AIG1: variants seen among roughly 807,000 people sequenced by gnomAD.
AIG1 encodes androgen induced 1, also known as androgen-induced gene 1 protein.
A neutral mutation model predicts 31.4 loss-of-function variants in AIG1; 23 were observed. That is an observed-to-expected ratio of 0.73 (90% CI 0.53 to 1.04). The LOEUF is 1.04. Ranked by LOEUF, AIG1 falls within the 50% of genes least tolerant of loss-of-function variation. AIG1 has a pLI of 0.00. For synonymous variants in AIG1, 100 were observed against 110.5 expected, an observed-to-expected ratio of 0.90 and a Z score of 0.60; for missense variants, 274 against 295.0, an observed-to-expected ratio of 0.93 and a Z score of 0.52.
rs1796322427 is a variant in AIG1 at position 143,268,850 on chromosome 6, C to T, written c.400-15260C>T. Among the ~76,000 whole-genome samples, 1 of 152,158 alleles carries T rather than the reference C, an allele frequency of 6.6e-6. No homozygotes were observed. The highest frequency in any genetic ancestry group is 1.5e-5 in the Non-Finnish European group (1 of 68,024). ...CAGGTGGGAGTGCCGTCAGTTTCAG[C>T]CCTCTGCTCTAAGCCCTCTCCAGAA... On this transcript the variant is annotated intron_variant, in intron 3 of 5. Coordinates refer to ENST00000357847, the MANE Select transcript of AIG1 (RefSeq NM_016108.4). This position sits in a 1 kb window ranked among gnomAD's most constrained non-coding sequence, Gnocchi z 5.0.
At chr6:143,176,871 T>G (rs1272285532) in intron 3 of AIG1, among the ~76,000 whole-genome samples, 1 of 152,260 alleles carries the variant, frequency 6.6e-6, no homozygotes, top group African/African-American at 2.4e-5. Context: ...TCAAAGGGTC[T>G]GTGGTTTCTC....
intron 3 of AIG1, among the ~76,000 whole-genome samples, chr6:143,261,576 CA>C (rs71795469): frequency 0.01 from 1,566 of 152,132 alleles, 44 homozygotes; most frequent in East Asian, 0.064. Context: ...ATTTATGTGG[CA>C]AAAAAATCTA....
rs984187651 is a variant in AIG1, at chr6:143,280,909, A to G, written c.400-3201A>G. Among the ~76,000 whole-genome samples, 2 of 152,224 alleles carry G rather than the reference A, an allele frequency of 1.3e-5. No homozygotes were observed. The highest frequency in any genetic ancestry group is 1.3e-4 in the Admixed American group (2 of 15,286). ...AAAAAGTTCTGACTTTATGCTAGCT[A>G]ATGTTATTGTTTATTATTATTGATT... On this transcript the variant is annotated intron_variant, in intron 3 of 5. Coordinates refer to ENST00000357847, the MANE Select transcript of AIG1 (RefSeq NM_016108.4). The surrounding 1 kb of genome is among the most constrained non-coding windows in gnomAD (Gnocchi z 4.1).
intron 1 of AIG1, among the ~76,000 whole-genome samples, chr6:143,090,183 T>TGCCTCTA (rs1266729923): frequency 6.6e-6 from 1 of 152,212 alleles, no homozygotes; most frequent in African/African-American, 2.4e-5. Flanking sequence ...AGCCTAGTTC[T>TGCCTCTA]GCCTCTAGCT....
chr6:143,278,395 T>C (rs1354727306), intron 3 of AIG1, among the ~76,000 whole-genome samples: 2 of 152,170 alleles, frequency 1.3e-5, no homozygotes, highest in South Asian at 4.1e-4. Flanking sequence ...TCCCTCTGAA[T>C]TATCTTTCAG....
chr6:143,071,567 A>G (rs551293811), intron 1 of AIG1, among the ~76,000 whole-genome samples: 1 of 152,346 alleles, frequency 6.6e-6, no homozygotes. Context: ...TATGTGACAG[A>G]TAAAATTTAG....
chr6:143,114,412 A>G (rs1040500603), intron 1 of AIG1, among the ~76,000 whole-genome samples: 2 of 152,240 alleles, frequency 1.3e-5, no homozygotes, highest in African/African-American at 2.4e-5. Flanking sequence ...CATGTTTTCA[A>G]GAAGTTCTCA....
At chr6:143,090,749 T>C (rs2128475609) in intron 1 of AIG1, among the ~76,000 whole-genome samples, 2 of 152,364 alleles carry the variant, frequency 1.3e-5, no homozygotes, top group Non-Finnish European at 2.9e-5. Context: ...GTGGAGGCTC[T>C]TGCCTTGATG....
chr6:143,190,636 AG>A, intron 3 of AIG1: 1 of 984,732 alleles, frequency 1.0e-6, no homozygotes, highest in South Asian at 4.7e-5. Flanking sequence ...CCAGTTGAAC[AG>A]GGGCCTTCTT....
intron 3 of AIG1, among the ~76,000 whole-genome samples, chr6:143,221,318 G>T (rs1256306629): frequency 6.6e-6 from 1 of 152,068 alleles, no homozygotes; most frequent in East Asian, 1.9e-4. Flanking sequence ...GAGGAACCAG[G>T]TAAAACCTCT....
At chr6:143,183,411 G>A (rs1562467497) in intron 3 of AIG1, among the ~76,000 whole-genome samples, 1 of 152,148 alleles carries the variant, frequency 6.6e-6, no homozygotes, top group Non-Finnish European at 1.5e-5. Context: ...GGCCAGGATG[G>A]CCTCAATCTC....
At chr6:143,212,382 C>T (rs184860837) in intron 3 of AIG1, among the ~76,000 whole-genome samples, 7 of 152,288 alleles carry the variant, frequency 4.6e-5, no homozygotes, top group Non-Finnish European at 5.9e-5. Context: ...TTTACCCCAG[C>T]CTCCCTGCAG....
chr6:143,147,142 T>C (rs1296349477), intron 2 of AIG1, among the ~76,000 whole-genome samples: 1 of 152,138 alleles, frequency 6.6e-6, no homozygotes, highest in Non-Finnish European at 1.5e-5. Context: ...GATTTACCCA[T>C]AGCAACAAAT....
At chr6:143,158,311 T>C (rs1013141553) in intron 2 of AIG1, among the ~76,000 whole-genome samples, 4 of 152,090 alleles carry the variant, frequency 2.6e-5, no homozygotes, top group Non-Finnish European at 5.9e-5. Flanking sequence ...TCCCCAGTGC[T>C]CCCATGCATC....
chr6:143,261,433 C>G (rs1049818796), intron 3 of AIG1, among the ~76,000 whole-genome samples: 1 of 152,166 alleles, frequency 6.6e-6, no homozygotes, highest in Admixed American at 6.5e-5. Flanking sequence ...CGCCTGGCCA[C>G]TGGTAGCTGT....
intron 3 of AIG1, among the ~76,000 whole-genome samples, chr6:143,270,229 T>G (rs1259317937): frequency 1.3e-5 from 2 of 152,144 alleles, no homozygotes; most frequent in Non-Finnish European, 2.9e-5. Flanking sequence ...CTTCCCACAC[T>G]TAGCAGAGCC....
At chr6:143,233,540 A>C (rs1793601071) in intron 3 of AIG1, among the ~76,000 whole-genome samples, 1 of 149,678 alleles carries the variant, frequency 6.7e-6, no homozygotes, top group Admixed American at 6.8e-5. Context: ...GTTCAGAGAG[A>C]CTCTGGCCCT....
At position 143,298,574 on chromosome 6, in the gene AIG1, C is replaced by T. The variant is rs1798603692; in HGVS notation, c.515+14349C>T. On this transcript the variant is annotated intron_variant, in intron 4 of 5. Transcript: ENST00000357847. The surrounding 1 kb of genome is among the most constrained non-coding windows in gnomAD (Gnocchi z 5.1). ...CAGGTGTGGTGGCTCATGTCTGTAA[C>T]CCTAGTCAGGAGGCTCACCTAGGCC... Among the ~76,000 whole-genome samples, 2 of 152,190 alleles carry T rather than the reference C, an allele frequency of 1.3e-5. No homozygotes were observed. The highest frequency in any genetic ancestry group is 4.8e-5 in the African/African-American group (2 of 41,524).
At chr6:143,109,328 A>T (rs1192456723) in intron 1 of AIG1, among the ~76,000 whole-genome samples, 2 of 152,172 alleles carry the variant, frequency 1.3e-5, no homozygotes, top group Non-Finnish European at 2.9e-5. Context: ...TAATGCTTCT[A>T]TGAACGTGCT....
Sources: allele counts gnomAD v4.1 joint callset (sites outside exome capture counted in the v4.1 genomes callset), GRCh38; gene constraint gnomAD v4.1.1; non-coding constraint Gnocchi (gnomAD v3.1); transcripts MANE v1.5; gene names NCBI Gene and HGNC (gene_info 2026-07-23, HGNC 2026-07-21).